KDM4B: variants seen among roughly 807,000 people sequenced by gnomAD.
The protein encoded by KDM4B is lysine-specific demethylase 4B.
Under a neutral mutation model 125.2 loss-of-function variants are expected in KDM4B, and 32 were observed. The observed-to-expected ratio is 0.26, with a 90% CI of 0.19 to 0.34. KDM4B has a LOEUF of 0.34. Ranked by LOEUF, KDM4B falls within the 10% of genes least tolerant of loss-of-function variation. KDM4B has a pLI of 1.00. For missense variants in KDM4B, 1,190 were observed against 1,577.7 expected (o/e 0.75, Z 4.16); for synonymous variants, 721 against 677.9 (o/e 1.06, Z -0.99).
intron 8 of KDM4B, among the ~76,000 whole-genome samples, chr19:5,080,393 A>G (rs1384164677): frequency 6.6e-6 from 1 of 152,228 alleles, no homozygotes; most frequent in Non-Finnish European, 1.5e-5. Flanking sequence ...AAGAAAACAA[A>G]TGGCCCGATG....
chr19:5,039,220 A>G (rs1200478427), intron 3 of KDM4B, among the ~76,000 whole-genome samples: 2 of 152,154 alleles, frequency 1.3e-5, no homozygotes, highest in East Asian at 3.9e-4. Flanking sequence ...GAGACAGGAG[A>G]ATCACTTGAG....
intron 5 of KDM4B, among the ~76,000 whole-genome samples, chr19:5,042,098 A>G (rs1425016987): frequency 6.6e-6 from 1 of 152,262 alleles, no homozygotes; most frequent in African/African-American, 2.4e-5. Flanking sequence ...ACATGAGACC[A>G]GAGTATTTCG....
chr19:5,095,949 A>G (rs2038812912), intron 9 of KDM4B, among the ~76,000 whole-genome samples: 1 of 152,210 alleles, frequency 6.6e-6, no homozygotes, highest in African/African-American at 2.4e-5. Flanking sequence ...TGTGAGGCAG[A>G]GTGTGCGCCC....
At chr19:5,145,882 G>A (rs1469331503) in intron 21 of KDM4B, among the ~76,000 whole-genome samples, 4 of 152,170 alleles carry the variant, frequency 2.6e-5, no homozygotes, top group African/African-American at 7.2e-5. Flanking sequence ...TGTAAACATC[G>A]GAGTTCAGCT....
Position 5,131,475 on chromosome 19 carries a change from G to T in KDM4B, c.1715G>T (p.Gly572Val). The change falls in exon 12 of 23, where the codon GGG (glycine) becomes GTG (valine). Residue 572 changes from glycine (G) to valine (V), a missense_variant. This residue lies in a region of KDM4B where 428 missense variants were observed against 405.1 expected (regional missense o/e 1.06). Coordinates refer to ENST00000159111, the MANE Select transcript of KDM4B (RefSeq NM_015015.3). ...KEPVSPMELT[G>V]PEDGAASSGA... ...CCAGTTTCCCCCATGGAGCTGACGG[G>T]GCCAGAGGACGGTGCAGCCAGCAGT... 1 of 1,593,072 alleles carries T rather than the reference G, an allele frequency of 6.3e-7. No homozygotes were observed. Among genetic ancestry groups the T allele is most frequent in the Non-Finnish European group, 8.5e-7 (1 of 1,175,906 alleles).
intron 22 of KDM4B, 112 bp downstream of exon 22, chr19:5,150,562 A>T (rs571230733): frequency 1.4e-6 from 1 of 733,926 alleles, no homozygotes; most frequent in Non-Finnish European, 2.2e-6. Context: ...CTCCTCTTGC[A>T]CCTCTGCTGG....
rs144666750 is a variant in KDM4B, at chr19:5,129,146, A to C, written c.1316-1930A>C. On this transcript the variant is annotated intron_variant, in intron 11 of 22. Coordinates refer to ENST00000159111, the MANE Select transcript of KDM4B (RefSeq NM_015015.3). The stretch of plus-strand genomic sequence containing the variant: ...CAAGGACACCGTGGGCGGTCCCCCA[A>C]GCCTGCAGATGGAGCTGGGTAGGGT... Among the ~76,000 whole-genome samples the C allele has an allele frequency of 6.6e-3, 1,001 of 152,254 alleles. 12 individuals carry two copies. The highest frequency in any genetic ancestry group is 0.023 in the African/African-American group (959 of 41,544).
At chr19:4,982,360 A>G (rs1242807827) in intron 1 of KDM4B, among the ~76,000 whole-genome samples, 1 of 150,370 alleles carries the variant, frequency 6.7e-6, no homozygotes, top group Non-Finnish European at 1.5e-5. Flanking sequence ...GCTGAGGTAT[A>G]AGAATCTCTT....
chr19:5,104,058 A>G (rs766803265), intron 9 of KDM4B, among the ~76,000 whole-genome samples: 1 of 151,882 alleles, frequency 6.6e-6, no homozygotes, highest in Non-Finnish European at 1.5e-5. Context: ...TCCCCTTTTT[A>G]TCTGGGAAAA....
intron 11 of KDM4B, among the ~76,000 whole-genome samples, chr19:5,125,250 C>G (rs1234043511): frequency 2.0e-5 from 3 of 151,532 alleles, no homozygotes; most frequent in African/African-American, 7.3e-5. Flanking sequence ...GACGAGACAG[C>G]CACACCCTCC....
At chr19:5,006,392 C>T (rs554493134) in intron 1 of KDM4B, among the ~76,000 whole-genome samples, 82 of 152,186 alleles carry the variant, frequency 5.4e-4, no homozygotes, top group African/African-American at 1.3e-3. Context: ...CAGGCCCCTC[C>T]GCCGCATCTT....
At chr19:5,048,526 A>G (rs1476532113) in intron 6 of KDM4B, among the ~76,000 whole-genome samples, 1 of 147,330 alleles carries the variant, frequency 6.8e-6, no homozygotes, top group East Asian at 2.0e-4. Flanking sequence ...CTGGAGGAGG[A>G]CGGAGCCTTT....
intron 1 of KDM4B, among the ~76,000 whole-genome samples, chr19:5,005,875 G>A (rs1300765662): frequency 6.6e-6 from 1 of 152,132 alleles, no homozygotes; most frequent in African/African-American, 2.4e-5. Context: ...AGTGATATGA[G>A]GGGCAGGGGT....
rs1364611068 is a variant in KDM4B at position 5,082,340 on chromosome 19, C to T, written c.781-27C>T. ...CCTGGTGCGCCTCTGGTGGCCCTGC[C>T]CTCACCTGTCTCCTTTCCCTCTGCA... On this transcript the variant is annotated intron_variant, in intron 8 of 22. Coordinates refer to ENST00000159111, the MANE Select transcript of KDM4B (RefSeq NM_015015.3). This position sits in a 1 kb window ranked among gnomAD's most constrained non-coding sequence, Gnocchi z 5.4. The T allele has an allele frequency of 3.7e-6, 6 of 1,612,866 alleles. No individual in the cohort carries two copies. The highest frequency in any genetic ancestry group is 5.1e-6 in the Non-Finnish European group (6 of 1,179,706).
intron 1 of KDM4B, among the ~76,000 whole-genome samples, chr19:4,980,512 C>T (rs2034601200): frequency 6.6e-6 from 1 of 151,390 alleles, no homozygotes; most frequent in Non-Finnish European, 1.5e-5. Flanking sequence ...CAACCTCCGC[C>T]TCCTGGGTTC....
At chr19:5,040,122 G>A (rs370437067) in intron 4 of KDM4B, 111 bp downstream of exon 4, 6 of 1,200,370 alleles carry the variant, frequency 5.0e-6, no homozygotes, top group East Asian at 2.6e-5. Flanking sequence ...CAGCATGGCC[G>A]GCCTGCTCTG....
chr19:5,011,821 G>T (rs2035736654), intron 1 of KDM4B, among the ~76,000 whole-genome samples: 3 of 152,208 alleles, frequency 2.0e-5, no homozygotes, highest in Admixed American at 2.0e-4. Flanking sequence ...ACCTCCTTTT[G>T]GGGGGTTCTT....
chr19:5,026,643 C>T (rs1367542014), intron 2 of KDM4B, among the ~76,000 whole-genome samples: 3 of 152,090 alleles, frequency 2.0e-5, no homozygotes, highest in African/African-American at 2.4e-5. Flanking sequence ...CCTGGGTTCC[C>T]GAGGCTGGCA....
At chr19:4,975,202 A>G (rs889336355) in intron 1 of KDM4B, among the ~76,000 whole-genome samples, 2 of 152,228 alleles carry the variant, frequency 1.3e-5, no homozygotes, top group Admixed American at 1.3e-4. Context: ...TTTGTAAGCC[A>G]GAGGTCATCT....
Sources: gnomAD v4.1 joint callset for allele counts (sites outside exome capture counted in the v4.1 genomes callset) on GRCh38, gnomAD v4.1.1 for gene constraint, gnomAD v4.1.1 regional missense constraint, Gnocchi (gnomAD v3.1) non-coding constraint, MANE v1.5 for transcripts, NCBI Gene and HGNC (gene_info 2026-07-23, HGNC 2026-07-21) for gene names.